Variants in LRRTM4 observed in about 807,000 individuals in gnomAD.
The protein encoded by LRRTM4 is leucine rich repeat transmembrane neuronal 4, also known as leucine-rich repeat transmembrane neuronal protein 4.
In LRRTM4, 25 loss-of-function variants were observed where a neutral mutation model predicts 47.6. That is an observed-to-expected ratio of 0.53 (90% CI 0.38 to 0.73). LRRTM4 has a LOEUF of 0.73. Among genes scored for constraint, LRRTM4 ranks in the 30% least tolerant of loss-of-function variants. The pLI, the probability that LRRTM4 is intolerant of heterozygous loss-of-function variation, is 0.00. For missense variants in LRRTM4, 638 were observed against 713.4 expected (o/e 0.89, Z 1.20); for synonymous variants, 311 against 269.5 (o/e 1.15, Z -1.51).
At chr2:77,130,628 C>T (rs1219005000) in intron 3 of LRRTM4, among the ~76,000 whole-genome samples, 2 of 150,548 alleles carry the variant, frequency 1.3e-5, no homozygotes, top group Non-Finnish European at 3.0e-5. Flanking sequence ...TCTCCTGCCT[C>T]AGCCTACAGA....
intron 3 of LRRTM4, among the ~76,000 whole-genome samples, chr2:77,484,713 C>T (rs11676109): frequency 0.57 from 87,081 of 151,968 alleles, 25,377 homozygotes; most frequent in Middle Eastern, 0.66. Context: ...TAATTTAAAA[C>T]TATTTTTATT....
chr2:77,002,685 T>C (rs187644863), intron 3 of LRRTM4, among the ~76,000 whole-genome samples: 6 of 152,270 alleles, frequency 3.9e-5, no homozygotes, highest in African/African-American at 9.6e-5. Context: ...AAACACCTTG[T>C]TCTCTCCTTG....
intron 3 of LRRTM4, among the ~76,000 whole-genome samples, chr2:76,806,442 G>C (rs1239262539): frequency 6.6e-6 from 1 of 152,024 alleles, no homozygotes; most frequent in African/African-American, 2.4e-5. Flanking sequence ...TTAGCAGGGC[G>C]TGGTAGCGCA....
intron 3 of LRRTM4, among the ~76,000 whole-genome samples, chr2:77,284,320 T>C (rs1361453854): frequency 6.6e-6 from 1 of 152,128 alleles, no homozygotes; most frequent in Non-Finnish European, 1.5e-5. Context: ...TTAATATAGA[T>C]TTACTGTTAG....
chr2:77,397,980 C>T (rs1431944629), intron 3 of LRRTM4, among the ~76,000 whole-genome samples: 1 of 151,752 alleles, frequency 6.6e-6, no homozygotes, highest in African/African-American at 2.4e-5. Flanking sequence ...GGTTGCAAAG[C>T]TTAAGGCCAG....
intron 3 of LRRTM4, among the ~76,000 whole-genome samples, chr2:77,415,064 T>C (rs1183717526): frequency 6.6e-6 from 1 of 152,214 alleles, no homozygotes; most frequent in Admixed American, 6.5e-5. Flanking sequence ...ATATTGATTA[T>C]AATTCTAAAT....
intron 3 of LRRTM4, among the ~76,000 whole-genome samples, chr2:77,366,736 A>G (rs563048329): frequency 8.6e-5 from 13 of 151,904 alleles, no homozygotes; most frequent in African/African-American, 3.1e-4. Flanking sequence ...TACCTCACAC[A>G]TTTACAATAT....
At chr2:77,159,688 G>A (rs1289258274) in intron 3 of LRRTM4, among the ~76,000 whole-genome samples, 3 of 152,138 alleles carry the variant, frequency 2.0e-5, no homozygotes, top group South Asian at 4.2e-4. Flanking sequence ...CAGTCTCAGG[G>A]TGGGCAGAGG....
At chr2:77,407,715 ATAT>A (rs1327669948) in intron 3 of LRRTM4, among the ~76,000 whole-genome samples, 4 of 122,514 alleles carry the variant, frequency 3.3e-5, no homozygotes, top group African/African-American at 6.9e-5. Context: ...AATATATCAT[ATAT>A]TATATTATAT....
chr2:76,793,677 G>C (rs1251547491), intron 3 of LRRTM4, among the ~76,000 whole-genome samples: 1 of 152,122 alleles, frequency 6.6e-6, no homozygotes, highest in Non-Finnish European at 1.5e-5. Context: ...TGAAGAGTCA[G>C]TGATTCACAG....
intron 3 of LRRTM4, among the ~76,000 whole-genome samples, chr2:77,406,773 A>G (rs1021377216): frequency 2.6e-5 from 4 of 152,182 alleles, no homozygotes; most frequent in Middle Eastern, 3.2e-3. Flanking sequence ...TTCATTTAAT[A>G]TAAAGAGCTG....
chr2:77,246,577 A>G (rs1675452321), intron 3 of LRRTM4, among the ~76,000 whole-genome samples: 1 of 152,136 alleles, frequency 6.6e-6, no homozygotes, highest in South Asian at 2.1e-4. Flanking sequence ...GACTGCACAG[A>G]TACAGAACAT....
At chr2:77,117,455 C>T (rs565951617) in intron 3 of LRRTM4, among the ~76,000 whole-genome samples, 35 of 151,764 alleles carry the variant, frequency 2.3e-4, no homozygotes, top group Admixed American at 4.6e-4. Context: ...TATCTAATAT[C>T]CAGTGATTAT....
chr2:77,004,972 C>CA (rs1322176232), intron 3 of LRRTM4, among the ~76,000 whole-genome samples: 8 of 152,094 alleles, frequency 5.3e-5, no homozygotes, highest in African/African-American at 1.9e-4. Flanking sequence ...GTATATTTAC[C>CA]AATGCCTGTA....
At chr2:77,010,267 G>A (rs1416635966) in intron 3 of LRRTM4, among the ~76,000 whole-genome samples, 1 of 151,796 alleles carries the variant, frequency 6.6e-6, no homozygotes, top group Non-Finnish European at 1.5e-5. Flanking sequence ...TATTTGTGTT[G>A]TTTGATTAAT....
At chr2:77,058,572 C>T (rs73940270) in intron 3 of LRRTM4, among the ~76,000 whole-genome samples, 4,145 of 151,576 alleles carry the variant, frequency 0.027, 136 homozygotes, top group African/African-American at 0.087. Flanking sequence ...TTCCTCTGTC[C>T]CCTTAATACA....
Position 76,884,849 on chromosome 2 carries a change from AAAC to A in LRRTM4, c.1552-135936_1552-135934del, listed in dbSNP as rs1419306135. Among the ~76,000 whole-genome samples the A allele has an allele frequency of 2.0e-5, 3 of 152,288 alleles. No homozygotes were observed. In the South Asian group the frequency reaches 6.2e-4, roughly 32 times the overall value. On this transcript the variant is annotated intron_variant, in intron 3 of 3. Transcript: ENST00000409884. ...AAAATATTCATCAGTGAAAAAATGTAAACAACTTAAATGGCCAAGAGGGTACTT... is the reference window on the plus strand; with the variant it reads ...AAAATATTCATCAGTGAAAAAATGTAAACTTAAATGGCCAAGAGGGTACTT...
chr2:77,100,486 A>C (rs951184918), intron 3 of LRRTM4, among the ~76,000 whole-genome samples: 10 of 152,214 alleles, frequency 6.6e-5, no homozygotes, highest in Non-Finnish European at 7.3e-5. Context: ...AGGTTGGGTT[A>C]AACTTCACCA....
intron 3 of LRRTM4, among the ~76,000 whole-genome samples, chr2:76,899,076 G>A (rs1673525421): frequency 6.6e-6 from 1 of 151,936 alleles, no homozygotes; most frequent in Admixed American, 6.6e-5. Flanking sequence ...GAAGAAATAT[G>A]AGACTCTTAT....
Sources: allele counts gnomAD v4.1 joint callset (sites outside exome capture counted in the v4.1 genomes callset), GRCh38; gene constraint gnomAD v4.1.1; transcripts MANE v1.5; gene names NCBI Gene and HGNC (gene_info 2026-07-23, HGNC 2026-07-21).